ARID1B: variants seen among roughly 807,000 people sequenced by gnomAD.
ARID1B encodes the protein AT-rich interactive domain-containing protein 1B.
Under a neutral mutation model 212.3 loss-of-function variants are expected in ARID1B, and 30 were observed. The observed-to-expected ratio is 0.14, with a 90% CI of 0.11 to 0.19. The LOEUF (loss-of-function observed/expected upper bound fraction) is 0.19, where lower values mean the gene tolerates loss of function less well. Among genes scored for constraint, ARID1B ranks in the 10% least tolerant of loss-of-function variants. ARID1B has a pLI of 1.00. For synonymous variants in ARID1B, 1,402 were observed against 1,301.7 expected (o/e 1.08, Z -1.66); for missense variants, 2,891 against 3,204.0 (o/e 0.90, Z 2.36).
At chr6:157,168,716 TCA>T (rs1791502862) in intron 9 of ARID1B, 1 of 152,242 alleles carries the variant, frequency 6.6e-6, no homozygotes, top group Non-Finnish European at 1.5e-5. Context: ...TAATGGAGAT[TCA>T]CAGAGAGGGT....
At chr6:156,790,273 G>A (rs1779921249) in intron 1 of ARID1B, among the ~76,000 whole-genome samples, 1 of 152,136 alleles carries the variant, frequency 6.6e-6, no homozygotes, top group Non-Finnish European at 1.5e-5. Flanking sequence ...TGGTGTAGGG[G>A]CACTGTACCA....
At chr6:156,859,133 A>G (rs975395717) in intron 2 of ARID1B, among the ~76,000 whole-genome samples, 2 of 152,082 alleles carry the variant, frequency 1.3e-5, no homozygotes, top group Non-Finnish European at 2.9e-5. Flanking sequence ...TTATTTTTTG[A>G]GACAGAGTCT....
At chr6:156,823,033 A>C (rs1782470680) in intron 1 of ARID1B, among the ~76,000 whole-genome samples, 1 of 152,210 alleles carries the variant, frequency 6.6e-6, no homozygotes. Context: ...AACTATCTAC[A>C]GGCCACTGTG....
chr6:157,161,655 A>G (rs1790955638), intron 8 of ARID1B, among the ~76,000 whole-genome samples: 1 of 152,122 alleles, frequency 6.6e-6, no homozygotes, highest in African/African-American at 2.4e-5. Flanking sequence ...ATCCTGTGTA[A>G]TGTTAATGTA....
intron 4 of ARID1B, among the ~76,000 whole-genome samples, chr6:156,968,416 C>T (rs1387779463): frequency 1.3e-5 from 2 of 152,194 alleles, no homozygotes; most frequent in African/African-American, 4.8e-5. Context: ...ATTGACTATT[C>T]ATTACCCCTT....
chr6:157,008,838 A>G (rs373641174), intron 4 of ARID1B, among the ~76,000 whole-genome samples: 277 of 152,078 alleles, frequency 1.8e-3, no homozygotes, highest in African/African-American at 6.5e-3. Context: ...CACAGTTTGT[A>G]ATGGGTGGTG....
At chr6:157,055,637 C>T (rs1386134661) in intron 4 of ARID1B, among the ~76,000 whole-genome samples, 1 of 152,194 alleles carries the variant, frequency 6.6e-6, no homozygotes, top group Admixed American at 6.5e-5. Flanking sequence ...TTTTCTGTTG[C>T]TGAGTAACAC....
intron 1 of ARID1B, among the ~76,000 whole-genome samples, chr6:156,785,638 G>A (rs1310990293): frequency 6.6e-6 from 1 of 152,078 alleles, no homozygotes; most frequent in Non-Finnish European, 1.5e-5. Flanking sequence ...TTGTGTGGCT[G>A]TCACCATCAT....
intron 1 of ARID1B, among the ~76,000 whole-genome samples, chr6:156,798,200 G>A (rs1780529683): frequency 6.6e-6 from 1 of 152,222 alleles, no homozygotes; most frequent in South Asian, 2.1e-4. Context: ...TTTCTCTGCT[G>A]GGTGCTGTGC....
At chr6:156,819,593 CAA>C (rs1782212734) in intron 1 of ARID1B, among the ~76,000 whole-genome samples, 1 of 152,162 alleles carries the variant, frequency 6.6e-6, no homozygotes, top group Admixed American at 6.5e-5. Flanking sequence ...ACTAGGGAAC[CAA>C]AATAGTCTTC....
intron 2 of ARID1B, among the ~76,000 whole-genome samples, chr6:156,876,891 G>A (rs12663478): frequency 3.3e-5 from 5 of 151,950 alleles, no homozygotes; most frequent in Admixed American, 1.3e-4. Context: ...AATTTTTTTT[G>A]TTGTTGTTGT....
Position 156,999,135 on chromosome 6 carries a change from T to G in ARID1B, c.2247+63559T>G, listed in dbSNP as rs116163491. Among the ~76,000 whole-genome samples the G allele has an allele frequency of 4.4e-3, 671 of 152,370 alleles. 8 individuals are homozygous for G. Among genetic ancestry groups the G allele is most frequent in the African/African-American group, 0.015 (638 of 41,588 alleles). On this transcript the variant is annotated intron_variant, in intron 4 of 19. Coordinates refer to ENST00000636930, the MANE Select transcript of ARID1B (RefSeq NM_001374828.1). ...CAGTCACACTAGGTTGGAGACTGGA[T>G]GCGCCATGAGTCCTGTACTTACGTA...
chr6:156,935,334 T>A, intron 3 of ARID1B, 132 bp from the exon 4 acceptor site: 2 of 701,722 alleles, frequency 2.9e-6, no homozygotes, highest in Middle Eastern at 5.2e-4. Flanking sequence ...CCTGCCTTGA[T>A]CTCCCGAAGT....
chr6:157,038,139 G>A (rs1335945214), intron 4 of ARID1B, among the ~76,000 whole-genome samples: 1 of 152,042 alleles, frequency 6.6e-6, no homozygotes, highest in Non-Finnish European at 1.5e-5. Context: ...AGTAAATTAG[G>A]AGACACTTAT....
intron 3 of ARID1B, among the ~76,000 whole-genome samples, chr6:156,907,065 A>G (rs957767960): frequency 6.6e-6 from 1 of 152,202 alleles, no homozygotes; most frequent in Non-Finnish European, 1.5e-5. Flanking sequence ...ATAATACTTT[A>G]AAAAATCACT....
chr6:156,928,757 T>C (rs1222670783), intron 3 of ARID1B, among the ~76,000 whole-genome samples: 1 of 152,214 alleles, frequency 6.6e-6, no homozygotes, highest in African/African-American at 2.4e-5. Context: ...TAATGCTTGA[T>C]GATAAGGAGT....
chr6:156,780,501 G>A (rs180788616), intron 1 of ARID1B: 1 of 152,238 alleles, frequency 6.6e-6, no homozygotes, highest in South Asian at 2.1e-4. Flanking sequence ...AGGTAAACTG[G>A]CTGTAATAGT....
intron 15 of ARID1B, among the ~76,000 whole-genome samples, chr6:157,191,768 A>G (rs1793391670): frequency 6.6e-6 from 1 of 152,228 alleles, no homozygotes; most frequent in African/African-American, 2.4e-5. Context: ...TTGGAAAAAA[A>G]CATATAGAAT....
chr6:157,109,100 T>C (rs1180141825), intron 5 of ARID1B, among the ~76,000 whole-genome samples: 1 of 152,180 alleles, frequency 6.6e-6, no homozygotes, highest in Non-Finnish European at 1.5e-5. Context: ...TGATTAGACT[T>C]AGTAAGGAGT....
Sources: allele counts gnomAD v4.1 joint callset (sites outside exome capture counted in the v4.1 genomes callset), GRCh38; gene constraint gnomAD v4.1.1; transcripts MANE v1.5; gene names NCBI Gene and HGNC (gene_info 2026-07-23, HGNC 2026-07-21).